Variants in HYKK observed in about 807,000 individuals in gnomAD.
HYKK encodes the protein 5-hydroxy-L-lysine kinase.
HYKK carries 19 observed loss-of-function variants against 29.7 expected under a neutral mutation model. The ratio of observed to expected loss-of-function variants is 0.64; its 90% CI spans 0.45 to 0.94. HYKK has a LOEUF of 0.94. Ranked by LOEUF, HYKK falls within the 40% of genes least tolerant of loss-of-function variation. The pLI, the probability that HYKK is intolerant of heterozygous loss-of-function variation, is 0.00. For synonymous variants in HYKK, 152 were observed against 158.1 expected (o/e 0.96, Z 0.29); for missense variants, 390 against 443.4 (o/e 0.88, Z 1.08).
Position 78,514,998 on chromosome 15 carries a change from T to A in HYKK, c.368T>A (p.Val123Glu). Residue 123 changes from valine (V) to glutamate (E), a missense_variant, in exon 3 of 5, where the codon GTG (valine) becomes GAG (glutamate). Coordinates refer to ENST00000388988, the MANE Select transcript of HYKK (RefSeq NM_001013619.4). Reference protein sequence around the residue: ...DSGSEIKSYLVRLLTYLPGRP... With the variant: ...DSGSEIKSYLERLLTYLPGRP... The stretch of plus-strand genomic sequence containing the variant: ...GGCTCTGAAATCAAAAGCTACTTGG[T>A]GAGGCTGCTGACTTACCTCCCAGGA... The A allele has an allele frequency of 6.3e-7, 1 of 1,585,828 alleles. No individual in the cohort carries two copies. The highest frequency in any genetic ancestry group is 8.6e-7 in the Non-Finnish European group (1 of 1,164,648).
Position 78,507,594 on chromosome 15 carries a change from A to T in HYKK, c.-83A>T, listed in dbSNP as rs528862698. The T allele has an allele frequency of 1.6e-4, 24 of 152,456 alleles. No homozygotes were observed. The highest frequency in any genetic ancestry group is 5.5e-4 in the African/African-American group (23 of 41,574). The allele number at this position is 152,456 out of a possible 1,614,324, so 9.4% of individuals were successfully genotyped here. On this transcript the variant is annotated 5_prime_UTR_variant, in exon 1 of 5. Coordinates refer to ENST00000388988, the MANE Select transcript of HYKK (RefSeq NM_001013619.4). ...CGCTGCGGCCCCTGCTCTACCTCCTAGCGCCGGTGCGCGGCCGAGGCCGCA... is the reference window on the plus strand; with the variant it reads ...CGCTGCGGCCCCTGCTCTACCTCCTTGCGCCGGTGCGCGGCCGAGGCCGCA...
At chr15:78,528,589 G>A (rs2052281054) in intron 4 of HYKK, 1 of 836,488 alleles carries the variant, frequency 1.2e-6, no homozygotes, top group Non-Finnish European at 1.4e-6. Flanking sequence ...GATCACTTGA[G>A]GTCAGGAGTT....
chr15:78,525,147 T>A (rs1164113984), intron 3 of HYKK, among the ~76,000 whole-genome samples: 1 of 152,082 alleles, frequency 6.6e-6, no homozygotes, highest in Non-Finnish European at 1.5e-5. Flanking sequence ...ACTTTTTTTT[T>A]TTATTTTTAT....
Position 78,533,330 on chromosome 15 carries a change from A to C in HYKK, c.782A>C (p.Tyr261Ser). The part of the protein sequence containing the change: ...ILDFGDMSYG[Y>S]YVFEVAITIM... Reference sequence around the variant, plus strand: ...GACTTTGGTGACATGAGCTATGGCTACTATGTGTTTGAAGTGGCAATTACC... The same window carrying C: ...GACTTTGGTGACATGAGCTATGGCTCCTATGTGTTTGAAGTGGCAATTACC... Residue 261 changes from tyrosine (Y) to serine (S), a missense_variant, in exon 5 of 5, where the codon TAC becomes TCC. Coordinates refer to ENST00000388988, the MANE Select transcript of HYKK (RefSeq NM_001013619.4). 3.7e-6 allele frequency: 6 copies of C among 1,614,158 alleles called. No homozygotes were observed. The highest frequency in any genetic ancestry group is 5.1e-6 in the Non-Finnish European group (6 of 1,179,956).
chr15:78,518,619 C>A (rs2052159652), intron 3 of HYKK: 1 of 454,846 alleles, frequency 2.2e-6, no homozygotes, highest in African/African-American at 2.0e-5. Flanking sequence ...CCCCTATTGG[C>A]CAAAAACTGA....
At chr15:78,522,067 C>T (rs939877454) in intron 3 of HYKK, among the ~76,000 whole-genome samples, 3 of 151,696 alleles carry the variant, frequency 2.0e-5, no homozygotes, top group Non-Finnish European at 4.4e-5. Context: ...ACCACAGCCT[C>T]CCAACTAGTT....
At chr15:78,508,817 G>T (rs942674308) in intron 1 of HYKK, among the ~76,000 whole-genome samples, 2 of 143,456 alleles carry the variant, frequency 1.4e-5, no homozygotes, top group Non-Finnish European at 3.0e-5. Context: ...ACCAAGGTAG[G>T]AGGATTGCTT....
intron 3 of HYKK, among the ~76,000 whole-genome samples, chr15:78,522,956 G>A (rs61204066): frequency 0.26 from 39,604 of 151,944 alleles, 5,861 homozygotes; most frequent in Admixed American, 0.46. Context: ...AAATCTGGAG[G>A]ACTAATCCTA....
intron 3 of HYKK, chr15:78,518,463 C>T (rs1489500664): frequency 2.7e-6 from 1 of 373,152 alleles, no homozygotes; most frequent in African/African-American, 2.1e-5. Context: ...GTGTGAGCCA[C>T]CACACCTGGG....
intron 3 of HYKK, among the ~76,000 whole-genome samples, chr15:78,525,100 C>T (rs544358371): frequency 1.7e-4 from 26 of 152,138 alleles, no homozygotes; most frequent in Admixed American, 4.6e-4. Flanking sequence ...CTCAAACTCC[C>T]GGTCATAATA....
chr15:78,509,956 A>G (rs887325563), intron 1 of HYKK, among the ~76,000 whole-genome samples: 1 of 152,204 alleles, frequency 6.6e-6, no homozygotes, highest in African/African-American at 2.4e-5. Context: ...GGCACAAGCT[A>G]TGCAAGTTAA....
chr15:78,521,098 G>T (rs75470656), intron 3 of HYKK, among the ~76,000 whole-genome samples: 2 of 152,208 alleles, frequency 1.3e-5, no homozygotes, highest in African/African-American at 4.8e-5. Context: ...AGGCATGGCC[G>T]AGGCTGTGGC....
In HYKK at chr15:78,513,402, ACAC is replaced by A; in HGVS notation, c.315_317del (p.Asn105_Thr106delinsLys). On this transcript the variant is annotated inframe_deletion, in exon 2 of 5. Coordinates refer to ENST00000388988, the MANE Select transcript of HYKK (RefSeq NM_001013619.4). Reference sequence around the variant, plus strand: ...TCTGTGTGTCACACTAAAGGAGACAACACAGCTTCTCTCGTGTCTGTAGGTAAG... The same window carrying A: ...TCTGTGTGTCACACTAAAGGAGACAAAGCTTCTCTCGTGTCTGTAGGTAAG... The A allele has an allele frequency of 6.2e-7, 1 of 1,613,482 alleles. No individual in the cohort carries two copies. Among genetic ancestry groups the A allele is most frequent in the Non-Finnish European group, 8.5e-7 (1 of 1,179,746 alleles).
At chr15:78,515,887 C>A (rs2052128281) in intron 3 of HYKK, among the ~76,000 whole-genome samples, 1 of 151,910 alleles carries the variant, frequency 6.6e-6, no homozygotes, top group South Asian at 2.1e-4. Flanking sequence ...TGTGGCCAGC[C>A]CAAAAATTTT....
In HYKK at chr15:78,533,763, A is replaced by G. The variant is rs2052335908; in HGVS notation, c.*93A>G. On this transcript the variant is annotated 3_prime_UTR_variant, in exon 5 of 5. Transcript: ENST00000388988. ...TAGGAAGGATTTTCCTGCATAGTTA[A>G]AAATCAACTGATGGAATGGATCAAT... is the stretch of plus-strand genomic sequence containing the variant. The G allele has an allele frequency of 1.2e-5, 10 of 828,392 alleles. No individual in the cohort carries two copies. Among genetic ancestry groups the G allele is most frequent in the East Asian group, 2.6e-5 (1 of 38,934 alleles). 51.3% of individuals were successfully genotyped at this position (828,392 alleles called of 1,614,324 possible). A position where few individuals can be genotyped will look rare whatever the true frequency, so the allele number is the denominator to read the frequency against.
intron 3 of HYKK, among the ~76,000 whole-genome samples, chr15:78,520,383 C>T (rs1048371997): frequency 3.9e-5 from 6 of 152,058 alleles, no homozygotes; most frequent in South Asian, 2.1e-4. Flanking sequence ...GAGGACCCTG[C>T]GGCCTTCCAC....
chr15:78,528,895 C>A, intron 4 of HYKK: 1 of 967,120 alleles, frequency 1.0e-6, no homozygotes, highest in Non-Finnish European at 1.2e-6. Flanking sequence ...TCCGTGTAAA[C>A]ACAGTGTAAG....
At position 78,513,235 on chromosome 15, in the gene HYKK, T is replaced by G; in HGVS notation, c.147T>G (p.His49Gln). ...CTAGCTATGATGACCAAAACTTTCA[T>G]GTCTACGTTTCAAAAACCAAAGATG... ...PLPSYDDQNF[H>Q]VYVSKTKDGP... The change falls in exon 2 of 5, where the codon CAT becomes CAG. Residue 49 changes from histidine (H) to glutamine (Q), a missense_variant. Transcript: ENST00000388988. 1 of 1,614,210 alleles carries G rather than the reference T, an allele frequency of 6.2e-7. No homozygotes were observed.
chr15:78,522,769 C>T (rs902140189), intron 3 of HYKK, among the ~76,000 whole-genome samples: 1 of 151,794 alleles, frequency 6.6e-6, no homozygotes, highest in African/African-American at 2.4e-5. Flanking sequence ...ATTTCAGCTA[C>T]TTGGGAGGAT....
Sources: allele counts gnomAD v4.1 joint callset (sites outside exome capture counted in the v4.1 genomes callset), GRCh38; gene constraint gnomAD v4.1.1; transcripts MANE v1.5; gene names NCBI Gene and HGNC (gene_info 2026-07-23, HGNC 2026-07-21).